Variants in UTP20 observed in about 807,000 individuals in gnomAD.
UTP20 encodes the protein small subunit processome component 20 homolog.
Under a neutral mutation model 329.5 loss-of-function variants are expected in UTP20, and 164 were observed. The ratio of observed to expected loss-of-function variants is 0.50; its 90% confidence interval spans 0.44 to 0.57. UTP20 has a LOEUF of 0.57. Among genes scored for constraint, UTP20 ranks in the 20% least tolerant of loss-of-function variants. The probability of loss-of-function intolerance (pLI) is 0.00; values close to 1 mark genes in which losing one functional copy is unlikely to be tolerated. For synonymous variants in UTP20, 1,151 were observed against 1,159.3 expected (o/e 0.99, Z 0.14); for missense variants, 3,055 against 3,284.2 (o/e 0.93, Z 1.71).
intron 38 of UTP20, among the ~76,000 whole-genome samples, chr12:101,351,219 C>T (rs1869509087): frequency 1.3e-5 from 2 of 152,094 alleles, no homozygotes; most frequent in African/African-American, 2.4e-5. Context: ...CTCCGCCTCC[C>T]GGGATCAAGT....
intron 14 of UTP20, among the ~76,000 whole-genome samples, chr12:101,301,066 A>G (rs1267482240): frequency 2.6e-5 from 4 of 152,178 alleles, no homozygotes; most frequent in African/African-American, 9.7e-5. Context: ...ATTTTTTTAA[A>G]CAACCCCTTC....
intron 2 of UTP20, among the ~76,000 whole-genome samples, chr12:101,282,595 G>A (rs573897371): frequency 9.2e-5 from 14 of 152,316 alleles, no homozygotes; most frequent in Admixed American, 6.5e-5. Flanking sequence ...TGAAGCTGTA[G>A]GGACTTAGAG....
At chr12:101,380,394 G>GAAAAGA (rs71303549) in intron 57 of UTP20, among the ~76,000 whole-genome samples, 2 of 151,836 alleles carry the variant, frequency 1.3e-5, no homozygotes, top group Non-Finnish European at 2.9e-5. Context: ...CAAAAAGAAA[G>GAAAAGA]AAAGAAAAGA....
At position 101,345,601 on chromosome 12, in the gene UTP20, C is replaced by T; in HGVS notation, c.4653C>T (p.Thr1551=). The T allele has an allele frequency of 6.2e-7, 1 of 1,610,434 alleles. No homozygotes were observed. Among genetic ancestry groups the T allele is most frequent in the Non-Finnish European group, 8.5e-7 (1 of 1,177,040 alleles). ...YTTILSCLIQ[T]FPNQLEFKDL... is the part of the protein sequence containing the mutation. Reference sequence around the variant, plus strand: ...CAATACTTTCCTGTTTAATTCAAACCTTTCCAAACCAACTGGAATTCAAAG... The same window carrying T: ...CAATACTTTCCTGTTTAATTCAAACTTTTCCAAACCAACTGGAATTCAAAG... The change falls in exon 37 of 62, where the codon ACC becomes ACT. Residue 1551 remains threonine (T), a synonymous_variant. Coordinates refer to ENST00000261637, the MANE Select transcript of UTP20 (RefSeq NM_014503.3).
At chr12:101,339,075 G>A (rs935010897) in intron 31 of UTP20, 118 bp downstream of exon 31, 14 of 1,056,786 alleles carry the variant, frequency 1.3e-5, no homozygotes, top group Middle Eastern at 3.5e-4. Flanking sequence ...CACTTTGGGA[G>A]GCTGAGGTGG....
chr12:101,386,124 T>A lies in UTP20; in HGVS notation c.*1T>A. The A allele has an allele frequency of 1.2e-6, 2 of 1,603,460 alleles. No individual in the cohort carries two copies. The highest frequency in any genetic ancestry group is 1.7e-6 in the Non-Finnish European group (2 of 1,177,960). On this transcript the variant is annotated 3_prime_UTR_variant, in exon 62 of 62. Coordinates refer to ENST00000261637, the MANE Select transcript of UTP20 (RefSeq NM_014503.3). ...GAAAGATTTAGCAATGGTGGAGTAA[T>A]GTCTCCCTGTGCTGATACAAGCATG...
intron 45 of UTP20, among the ~76,000 whole-genome samples, chr12:101,364,152 A>G (rs1302815335): frequency 2.0e-5 from 3 of 152,222 alleles, no homozygotes; most frequent in African/African-American, 7.2e-5. Context: ...CACACCTGTA[A>G]TTCCAGCAAT....
intron 43 of UTP20, among the ~76,000 whole-genome samples, chr12:101,361,376 C>T (rs1270881422): frequency 6.6e-6 from 1 of 152,056 alleles, no homozygotes; most frequent in East Asian, 1.9e-4. Context: ...GTAATCGCAG[C>T]ACTTAGGGAG....
Position 101,353,119 on chromosome 12 carries a change from G to A in UTP20, c.5097G>A (p.Glu1699=). 1 of 1,595,432 alleles carries A rather than the reference G, an allele frequency of 6.3e-7. No individual in the cohort carries two copies. Among genetic ancestry groups the A allele is most frequent in the South Asian group, 1.1e-5 (1 of 88,576 alleles). The change falls in exon 40 of 62, where the codon GAG becomes GAA. Residue 1699 remains glutamate, a synonymous_variant. Transcript: ENST00000261637. Reference sequence around the variant, plus strand: ...TTGAAGAACAAATGGGAAAAATTGAGAATGAAGAAAGTAAGTTTCTTAAAC... The same window carrying A: ...TTGAAGAACAAATGGGAAAAATTGAAAATGAAGAAAGTAAGTTTCTTAAAC... The part of the protein sequence containing the change: ...KTLEEQMGKI[E]NEENAIEAIE...
At position 101,368,530 on chromosome 12, in the gene UTP20, TAG is replaced by T. The variant is rs559452272; in HGVS notation, c.6384+555_6384+556del. ...AATTTACTAATTCTATAAATTTGGA[TAG>T]CCTTTAACAGTTCTAAAAGCCCTCC... On this transcript the variant is annotated intron_variant, in intron 48 of 61. Coordinates refer to ENST00000261637, the MANE Select transcript of UTP20 (RefSeq NM_014503.3). Among the ~76,000 whole-genome samples, 32 of 152,260 alleles carry T rather than the reference TAG, an allele frequency of 2.1e-4. 1 individual carries two copies. Among genetic ancestry groups the T allele is most frequent in the African/African-American group, 7.5e-4 (31 of 41,572 alleles).
rs184849578 is a variant in UTP20 at position 101,370,039 on chromosome 12, C to G, written c.6555+148C>G. The stretch of plus-strand genomic sequence containing the variant: ...GACCAGCTGGGTCAGCATAACGAGA[C>G]CCCGTGTCTACATAAAAAAAAAAAA... On this transcript the variant is annotated intron_variant, in intron 49 of 61. Transcript: ENST00000261637. The G allele has an allele frequency of 6.9e-4, 456 of 656,960 alleles. No individual in the cohort carries two copies. In the Middle Eastern group the frequency reaches 0.012, roughly 17 times the overall value. The allele number at this position is 656,960 out of a possible 1,614,324, so 40.7% of individuals were successfully genotyped here. A position where few individuals can be genotyped will look rare whatever the true frequency, so the allele number is the denominator to read the frequency against.
intron 27 of UTP20, 83 bp from the exon 28 acceptor site, chr12:101,333,218 C>A: frequency 7.3e-7 from 1 of 1,374,274 alleles, no homozygotes; most frequent in Non-Finnish European, 9.9e-7. Context: ...TTCTTAGCCA[C>A]CTGAGCAAGA....
At chr12:101,384,655 T>G (rs745885553) in intron 60 of UTP20, among the ~76,000 whole-genome samples, 2 of 152,200 alleles carry the variant, frequency 1.3e-5, no homozygotes, top group Non-Finnish European at 2.9e-5. Context: ...CCCTCACTTA[T>G]TCTAATTGTT....
intron 28 of UTP20, among the ~76,000 whole-genome samples, chr12:101,333,963 C>G (rs768043808): frequency 3.5e-4 from 53 of 152,256 alleles, no homozygotes; most frequent in Non-Finnish European, 5.9e-4. Context: ...TGTGCCCGGC[C>G]TGTAACATGA....
chr12:101,338,524 T>G (rs1869012399), intron 30 of UTP20, among the ~76,000 whole-genome samples: 1 of 152,230 alleles, frequency 6.6e-6, no homozygotes, highest in South Asian at 2.1e-4. Flanking sequence ...TACTGTCATG[T>G]CTCTACATTC....
intron 61 of UTP20, 59 bp downstream of exon 61, chr12:101,385,787 C>T: frequency 6.4e-7 from 1 of 1,561,782 alleles, no homozygotes; most frequent in South Asian, 1.2e-5. Flanking sequence ...ACTAAGTGTG[C>T]ATGTTTGTGT....
intron 60 of UTP20, among the ~76,000 whole-genome samples, chr12:101,384,674 C>T (rs994565562): frequency 1.3e-5 from 2 of 152,018 alleles, no homozygotes; most frequent in African/African-American, 2.4e-5. Context: ...TTGGTAATAA[C>T]AGGTAAAGAG....
chr12:101,280,359 G>T (rs201409235), intron 1 of UTP20, 32 bp downstream of exon 1: 1 of 1,551,454 alleles, frequency 6.4e-7, no homozygotes, highest in African/African-American at 1.4e-5. Context: ...GGGAGCCGCG[G>T]GTCTCCGCTG....
At chr12:101,330,190 G>C (rs959339432) in intron 27 of UTP20, among the ~76,000 whole-genome samples, 1 of 152,078 alleles carries the variant, frequency 6.6e-6, no homozygotes, top group South Asian at 2.1e-4. Flanking sequence ...GCATTTACTA[G>C]GATGGTGAGG....
Sources: gnomAD v4.1 joint callset for allele counts (sites outside exome capture counted in the v4.1 genomes callset) on GRCh38, gnomAD v4.1.1 for gene constraint, MANE v1.5 for transcripts, NCBI Gene and HGNC (gene_info 2026-07-23, HGNC 2026-07-21) for gene names.